Variants in CADPS2 observed in about 807,000 individuals in gnomAD.
CADPS2 encodes calcium-dependent secretion activator 2.
CADPS2 carries 93 observed loss-of-function variants against 172.5 expected under a neutral mutation model. That is an observed-to-expected ratio of 0.54 (90% CI 0.46 to 0.64). The LOEUF is 0.64. CADPS2 is among the 30% of genes least tolerant of loss of function. The probability of loss-of-function intolerance (pLI) is 0.00; values close to 1 mark genes in which losing one functional copy is unlikely to be tolerated. For synonymous variants in CADPS2, 546 were observed against 555.2 expected (o/e 0.98, Z 0.23); for missense variants, 1,420 against 1,565.9 (o/e 0.91, Z 1.57).
chr7:122,321,323 C>A (rs540334221), intron 29 of CADPS2, among the ~76,000 whole-genome samples: 10 of 152,052 alleles, frequency 6.6e-5, no homozygotes, highest in African/African-American at 2.4e-4. Context: ...TGTGCTACTG[C>A]GCTCGGCTAA....
chr7:122,353,257 C>G (rs2038929018), intron 27 of CADPS2, among the ~76,000 whole-genome samples: 1 of 152,192 alleles, frequency 6.6e-6, no homozygotes, highest in African/African-American at 2.4e-5. Flanking sequence ...CATATCAAGT[C>G]TGTGCAGTAC....
At chr7:122,837,242 C>T (rs1398730506) in intron 1 of CADPS2, among the ~76,000 whole-genome samples, 8 of 152,122 alleles carry the variant, frequency 5.3e-5, no homozygotes, top group Non-Finnish European at 1.0e-4. Context: ...AAAACAAAGA[C>T]ACAACACACC....
intron 8 of CADPS2, among the ~76,000 whole-genome samples, chr7:122,520,089 T>C (rs1181216752): frequency 6.6e-6 from 1 of 152,030 alleles, no homozygotes; most frequent in Non-Finnish European, 1.5e-5. Context: ...AAAGCTTTCA[T>C]TTGCAAACAA....
chr7:122,436,423 A>G, intron 17 of CADPS2: 1 of 1,207,634 alleles, frequency 8.3e-7, no homozygotes, highest in Non-Finnish European at 1.1e-6. Context: ...AGCAAACTCT[A>G]CCCTTGTCGT....
chr7:122,609,482 A>G (rs1323502356), intron 6 of CADPS2, among the ~76,000 whole-genome samples: 2 of 152,194 alleles, frequency 1.3e-5, no homozygotes, highest in Non-Finnish European at 2.9e-5. Context: ...AAATCCATAA[A>G]TAACAGGAAT....
intron 1 of CADPS2, among the ~76,000 whole-genome samples, chr7:122,775,454 C>G (rs1479262419): frequency 6.6e-6 from 1 of 152,156 alleles, no homozygotes; most frequent in Admixed American, 6.5e-5. Context: ...CTGTGTCACA[C>G]CTGAGAAAAC....
chr7:122,353,665 A>G (rs1214669549), intron 27 of CADPS2, among the ~76,000 whole-genome samples: 1 of 152,234 alleles, frequency 6.6e-6, no homozygotes, highest in African/African-American at 2.4e-5. Context: ...TAGAATGACA[A>G]TAGAATAAAA....
chr7:122,469,243 T>G (rs1011190000), intron 14 of CADPS2, among the ~76,000 whole-genome samples: 1 of 152,180 alleles, frequency 6.6e-6, no homozygotes, highest in Admixed American at 6.5e-5. Flanking sequence ...TGGGGGCACA[T>G]TAGCTGAATT....
At chr7:122,645,265 A>T (rs2078197296) in intron 3 of CADPS2, among the ~76,000 whole-genome samples, 1 of 142,086 alleles carries the variant, frequency 7.0e-6, no homozygotes, top group Non-Finnish European at 1.6e-5. Flanking sequence ...GTGTGTATAC[A>T]TGTACATATA....
chr7:122,740,202 T>C (rs990012672), intron 1 of CADPS2, among the ~76,000 whole-genome samples: 1 of 152,186 alleles, frequency 6.6e-6, no homozygotes, highest in African/African-American at 2.4e-5. Context: ...ACTTCTATCA[T>C]ATGATCCAGT....
At chr7:122,566,199 C>CA (rs2066447141) in intron 7 of CADPS2, among the ~76,000 whole-genome samples, 1 of 152,068 alleles carries the variant, frequency 6.6e-6, no homozygotes, top group East Asian at 1.9e-4. Context: ...AAAACCACCT[C>CA]ACACCTGAAT....
At chr7:122,645,311 G>C (rs537175318) in intron 3 of CADPS2, among the ~76,000 whole-genome samples, 2 of 124,748 alleles carry the variant, frequency 1.6e-5, no homozygotes, top group African/African-American at 2.8e-5. Flanking sequence ...ATATGTACAT[G>C]TGTGTATACA....
intron 3 of CADPS2, among the ~76,000 whole-genome samples, chr7:122,632,462 T>C (rs947925981): frequency 6.6e-6 from 1 of 152,194 alleles, no homozygotes; most frequent in African/African-American, 2.4e-5. Context: ...TGATGATTAG[T>C]GATGTTGAGC....
intron 12 of CADPS2, among the ~76,000 whole-genome samples, chr7:122,477,066 G>C (rs961019922): frequency 6.7e-6 from 1 of 148,702 alleles, no homozygotes; most frequent in African/African-American, 2.5e-5. Flanking sequence ...GAGAGAGAGA[G>C]AGAGAGAGAG....
At chr7:122,377,736 G>A (rs2042524766) in intron 25 of CADPS2, among the ~76,000 whole-genome samples, 1 of 152,016 alleles carries the variant, frequency 6.6e-6, no homozygotes. Context: ...TTCCCCCCAT[G>A]GTTTTCCTAT....
intron 8 of CADPS2, among the ~76,000 whole-genome samples, chr7:122,524,360 T>G (rs982309534): frequency 4.6e-5 from 7 of 152,140 alleles, no homozygotes; most frequent in Non-Finnish European, 8.8e-5. Context: ...TTTTTCATAT[T>G]CAGAATTTCA....
intron 2 of CADPS2, among the ~76,000 whole-genome samples, chr7:122,691,312 G>A (rs1311511849): frequency 6.6e-6 from 1 of 152,242 alleles, no homozygotes; most frequent in Non-Finnish European, 1.5e-5. Flanking sequence ...ATTACTAACT[G>A]CTTCTGTATT....
At chr7:122,745,485 A>G (rs1188559947) in intron 1 of CADPS2, among the ~76,000 whole-genome samples, 3 of 151,756 alleles carry the variant, frequency 2.0e-5, no homozygotes, top group African/African-American at 7.3e-5. Context: ...ACTTCTTTCA[A>G]TAAAAGGTGT....
intron 2 of CADPS2, among the ~76,000 whole-genome samples, chr7:122,686,283 A>C (rs1387858833): frequency 6.6e-6 from 1 of 152,186 alleles, no homozygotes; most frequent in Non-Finnish European, 1.5e-5. Flanking sequence ...AGAGGAAAGG[A>C]TTTCTTTGCA....
Sources: allele counts gnomAD v4.1 joint callset (sites outside exome capture counted in the v4.1 genomes callset), GRCh38; gene constraint gnomAD v4.1.1; transcripts MANE v1.5; gene names NCBI Gene and HGNC (gene_info 2026-07-23, HGNC 2026-07-21).